RNF149: variants seen among roughly 807,000 people sequenced by gnomAD.
RNF149 encodes E3 ubiquitin-protein ligase RNF149.
A neutral mutation model predicts 39.0 loss-of-function variants in RNF149; 21 were observed. The ratio of observed to expected loss-of-function variants is 0.54; its 90% CI spans 0.38 to 0.77. The LOEUF (loss-of-function observed/expected upper bound fraction) is 0.77. Among genes scored for constraint, RNF149 ranks in the 30% least tolerant of loss-of-function variants. The pLI is 0.00. For synonymous variants in RNF149, 209 were observed against 213.6 expected, an observed-to-expected ratio of 0.98 and a Z score of 0.19; for missense variants, 493 against 534.9, an observed-to-expected ratio of 0.92 and a Z score of 0.77.
chr2:101,278,771 C>G (rs1435100560), intron 6 of RNF149, among the ~76,000 whole-genome samples: 2 of 152,190 alleles, frequency 1.3e-5, no homozygotes. Flanking sequence ...CTTGAACTTG[C>G]TCCTAACTGA....
intron 1 of RNF149, among the ~76,000 whole-genome samples, chr2:101,297,518 G>T (rs1195642088): frequency 6.9e-6 from 1 of 145,376 alleles, no homozygotes; most frequent in Admixed American, 7.1e-5. Flanking sequence ...CACTACACCT[G>T]GCTAATTTTT....
chr2:101,293,373 G>A (rs1683094662), intron 3 of RNF149, among the ~76,000 whole-genome samples: 1 of 152,112 alleles, frequency 6.6e-6, no homozygotes, highest in Non-Finnish European at 1.5e-5. Context: ...GAGCGCACCA[G>A]AAGAACTAGG....
At chr2:101,294,473 G>A (rs1310457244) in intron 2 of RNF149, 1 of 206,428 alleles carries the variant, frequency 4.8e-6, no homozygotes, top group Non-Finnish European at 9.7e-6. Flanking sequence ...AAAGGTAAAG[G>A]CCTCTTCCTA....
At chr2:101,282,515 T>G (rs185449143) in intron 5 of RNF149, among the ~76,000 whole-genome samples, 4 of 152,162 alleles carry the variant, frequency 2.6e-5, no homozygotes, top group Admixed American at 2.6e-4. Flanking sequence ...TCCTTCCGTA[T>G]GGACAGGGTG....
In RNF149 at chr2:101,277,160, T is replaced by C; in HGVS notation, c.*78A>G. 1.9e-6 allele frequency: 3 copies of C among 1,550,246 alleles called. No homozygotes were observed. Among genetic ancestry groups the C allele is most frequent in the Admixed American group, 1.9e-5 (1 of 53,742 alleles). On this transcript the variant is annotated 3_prime_UTR_variant, in exon 7 of 7. Coordinates refer to ENST00000295317, the MANE Select transcript of RNF149 (RefSeq NM_173647.4). ...ACATTATTTTCAAATATACAAATTA[T>C]GTGCTAAAGTAAAAAAAATAAAATG... is the stretch of plus-strand genomic sequence containing the variant.
intron 1 of RNF149, among the ~76,000 whole-genome samples, chr2:101,296,096 C>T (rs527323358): frequency 2.0e-5 from 3 of 152,196 alleles, no homozygotes; most frequent in East Asian, 1.9e-4. Flanking sequence ...CCAGCTTGGG[C>T]GACAAAGTAT....
At chr2:101,292,746 A>T (rs1277295210) in intron 3 of RNF149, among the ~76,000 whole-genome samples, 3 of 152,160 alleles carry the variant, frequency 2.0e-5, no homozygotes, top group Non-Finnish European at 4.4e-5. Flanking sequence ...AGCCTGGGTG[A>T]CAGAGCGAGA....
rs79111268 is a variant in RNF149, at chr2:101,294,879, A to G, written c.711+52T>C. 5.4e-3 allele frequency: 7,454 copies of G among 1,391,482 alleles called. 363 individuals carry two copies. The African/African-American group carries it at 0.094, about 18-fold the overall frequency. The allele number at this position is 1,391,482 out of a possible 1,614,324, so 86.2% of individuals were successfully genotyped here. ...TAACTTCTAGGAATATATATGCGGCATATTTATGAATTATCTTTTAAAAAG... is the reference window on the plus strand; with the variant it reads ...TAACTTCTAGGAATATATATGCGGCGTATTTATGAATTATCTTTTAAAAAG... On this transcript the variant is annotated intron_variant, in intron 2 of 6. Transcript: ENST00000295317.
At chr2:101,278,720 C>G (rs954355780) in intron 6 of RNF149, among the ~76,000 whole-genome samples, 1 of 152,154 alleles carries the variant, frequency 6.6e-6, no homozygotes, top group African/African-American at 2.4e-5. Flanking sequence ...GAATACTATA[C>G]ACTGTTATGA....
chr2:101,294,050 G>T lies in RNF149; in HGVS notation c.744C>A (p.Gly248=). The change falls in exon 3 of 7, where the codon GGC becomes GGA. Residue 248 remains glycine (G), a synonymous_variant. Coordinates refer to ENST00000295317, the MANE Select transcript of RNF149 (RefSeq NM_173647.4). ...GCTTTACAGTATGAAGTAGAAGCTGGCCAATAACTTTCTTAGTTTCTTTTC... is the reference window on the plus strand; with the variant it reads ...GCTTTACAGTATGAAGTAGAAGCTGTCCAATAACTTTCTTAGTTTCTTTTC... ...SHRKETKKVI[G]QLLLHTVKHG... is the part of the protein sequence containing the mutation. 1 of 1,587,012 alleles carries T rather than the reference G, an allele frequency of 6.3e-7. No individual in the cohort carries two copies.
chr2:101,295,076 G>C lies in RNF149; in HGVS notation c.566C>G (p.Thr189Ser), dbSNP rs755643361. Residue 189 changes from threonine to serine, a missense_variant, in exon 2 of 7, where the codon ACC (threonine) becomes AGC (serine). Coordinates refer to ENST00000295317, the MANE Select transcript of RNF149 (RefSeq NM_173647.4). ...IPVTMTIGVG[T>S]RHVQEFISGQ... ...GCTGATGAACTCCTGTACATGCCGG[G>C]TGCCAACCCCTATGGTCATCGTTAC... The C allele has an allele frequency of 1.2e-6, 2 of 1,614,030 alleles. No individual in the cohort carries two copies. The highest frequency in any genetic ancestry group is 1.7e-6 in the Non-Finnish European group (2 of 1,180,030).
chr2:101,300,716 A>G (rs971277722), intron 1 of RNF149, among the ~76,000 whole-genome samples: 3 of 152,218 alleles, frequency 2.0e-5, no homozygotes, highest in African/African-American at 7.2e-5. Context: ...TAATCATAGC[A>G]GCAAGATTGC....
chr2:101,290,102 C>T (rs1220080596), intron 3 of RNF149, among the ~76,000 whole-genome samples: 1 of 152,184 alleles, frequency 6.6e-6, no homozygotes, highest in Non-Finnish European at 1.5e-5. Context: ...ATCGCTTGAA[C>T]CCAGGAGGTG....
At chr2:101,273,273 T>G (rs745341996), downstream of RNF149, 2 of 519,502 alleles carry the variant, frequency 3.8e-6, no homozygotes, top group African/African-American at 2.0e-5. Flanking sequence ...GGACACTGCC[T>G]CCTTCTCCAT....
At position 101,288,517 on chromosome 2, in the gene RNF149, C is replaced by A. The variant is rs114737599; in HGVS notation, c.863+456G>T. On this transcript the variant is annotated intron_variant, in intron 4 of 6. Transcript: ENST00000295317. ...TACAGGTGTGAGCCACAGTGCCCAG[C>A]CAGGAATATTGATTTTAAACAACCT... Among the ~76,000 whole-genome samples, 953 of 152,204 alleles carry A rather than the reference C, an allele frequency of 6.3e-3. 4 individuals are homozygous for A. Among genetic ancestry groups the A allele is most frequent in the African/African-American group, 0.022 (910 of 41,532 alleles).
intron 3 of RNF149, 46 bp downstream of exon 3, chr2:101,293,968 C>A (rs1683117913): frequency 1.2e-5 from 13 of 1,127,966 alleles, no homozygotes; most frequent in African/African-American, 4.7e-5. Context: ...ACAGCATATT[C>A]TCTACTCTAA....
chr2:101,275,427 ATTTCTTTTTTT>A (rs1682302441), downstream of RNF149, among the ~76,000 whole-genome samples: 2 of 26,832 alleles, frequency 7.5e-5, no homozygotes, highest in African/African-American at 2.7e-4. Context: ...CTCCCCTAGT[ATTTCTTTTTTT>A]TTTTTTTTTT....
chr2:101,282,424 G>A (rs1197162071), intron 5 of RNF149, among the ~76,000 whole-genome samples: 1 of 152,076 alleles, frequency 6.6e-6, no homozygotes, highest in Non-Finnish European at 1.5e-5. Flanking sequence ...TTACAGTGAG[G>A]CACTAGGGTT....
At chr2:101,287,629 A>G (rs965750119) in intron 4 of RNF149, among the ~76,000 whole-genome samples, 7 of 152,216 alleles carry the variant, frequency 4.6e-5, no homozygotes, top group African/African-American at 1.7e-4. Context: ...CTCTACTTTA[A>G]TAACTTTCTA....
Sources: gnomAD v4.1 joint callset for allele counts (sites outside exome capture counted in the v4.1 genomes callset) on GRCh38, gnomAD v4.1.1 for gene constraint, MANE v1.5 for transcripts, NCBI Gene and HGNC (gene_info 2026-07-23, HGNC 2026-07-21) for gene names.